The following TIAM1 variants were observed in gnomAD, a reference collection of about 807,000 sequenced individuals.
TIAM1 encodes rho guanine nucleotide exchange factor TIAM1.
In TIAM1, 65 loss-of-function variants were observed where a neutral mutation model predicts 163.5. The observed-to-expected ratio is 0.40, with a 90% CI of 0.33 to 0.49. The LOEUF is 0.49. Among genes scored for constraint, TIAM1 ranks in the 20% least tolerant of loss-of-function variants. TIAM1 has a pLI of 0.77. For synonymous variants in TIAM1, 833 were observed against 810.1 expected, an observed-to-expected ratio of 1.03 and a Z score of -0.48; for missense variants, 1,789 against 2,044.7, an observed-to-expected ratio of 0.87 and a Z score of 2.41.
At chr21:31,489,571 ACCC>A (rs111846555) in intron 1 of TIAM1, among the ~76,000 whole-genome samples, 48 of 142,052 alleles carry the variant, frequency 3.4e-4, no homozygotes, top group African/African-American at 7.9e-4. Flanking sequence ...AAAAGTGCAG[ACCC>A]CCCCCCCCTT....
chr21:31,361,576 T>C (rs924332160), intron 2 of TIAM1, among the ~76,000 whole-genome samples: 15 of 152,280 alleles, frequency 9.9e-5, no homozygotes, highest in African/African-American at 3.6e-4. Context: ...AAAATCCACA[T>C]AAACTATCCT....
At chr21:31,198,566 T>C (rs1478851152) in intron 12 of TIAM1, among the ~76,000 whole-genome samples, 1 of 152,240 alleles carries the variant, frequency 6.6e-6, no homozygotes, top group Non-Finnish European at 1.5e-5. Context: ...GTTTACAATG[T>C]ATAACCTAAC....
chr21:31,147,052 G>C (rs767000565), intron 19 of TIAM1, 49 bp from the exon 20 acceptor site: 1 of 1,518,666 alleles, frequency 6.6e-7, no homozygotes. Context: ...TCCTCCACTG[G>C]AAATATCAGC....
chr21:31,502,312 C>T (rs1332257139), intron 1 of TIAM1, among the ~76,000 whole-genome samples: 2 of 152,168 alleles, frequency 1.3e-5, no homozygotes, highest in East Asian at 3.9e-4. Flanking sequence ...CGCTCTGTCG[C>T]CCAGGCAGGA....
chr21:31,453,698 A>G (rs200956381), intron 2 of TIAM1, among the ~76,000 whole-genome samples: 10,109 of 42,560 alleles, frequency 0.24, 476 homozygotes, highest in South Asian at 0.35. Context: ...CAGTAAATAA[A>G]TAAATAAATA....
At chr21:31,495,553 C>A (rs192394958) in intron 1 of TIAM1, among the ~76,000 whole-genome samples, 51 of 152,356 alleles carry the variant, frequency 3.3e-4, no homozygotes, top group African/African-American at 1.1e-3. Context: ...CCTCCCAACA[C>A]CATCATACTA....
chr21:31,384,446 G>A (rs1055181611), intron 2 of TIAM1, among the ~76,000 whole-genome samples: 7 of 150,852 alleles, frequency 4.6e-5, no homozygotes, highest in African/African-American at 1.2e-4. Flanking sequence ...ATGGTGGCAC[G>A]CATTAGTAGT....
chr21:31,224,540 T>C (rs915184735), intron 7 of TIAM1, among the ~76,000 whole-genome samples: 3 of 152,178 alleles, frequency 2.0e-5, no homozygotes, highest in African/African-American at 4.8e-5. Context: ...GGCAAATCCA[T>C]GAAGACAGAG....
At chr21:31,188,464 G>A (rs1208094355) in intron 13 of TIAM1, among the ~76,000 whole-genome samples, 3 of 152,108 alleles carry the variant, frequency 2.0e-5, no homozygotes, top group Non-Finnish European at 2.9e-5. Flanking sequence ...TCTATTAGGC[G>A]AGATAGAATC....
At chr21:31,428,827 G>T (rs1376718074) in intron 2 of TIAM1, among the ~76,000 whole-genome samples, 1 of 151,146 alleles carries the variant, frequency 6.6e-6, no homozygotes, top group East Asian at 2.0e-4. Context: ...AGGCTGCAGT[G>T]AGCTGAGATC....
At chr21:31,124,727 T>G (rs2082128114) in intron 26 of TIAM1, 33 bp from the exon 27 acceptor site, 1 of 1,524,884 alleles carries the variant, frequency 6.6e-7, no homozygotes, top group Non-Finnish European at 8.8e-7. Context: ...TGTTAGAGAA[T>G]CAGGGCTTAA....
intron 2 of TIAM1, among the ~76,000 whole-genome samples, chr21:31,427,291 C>G (rs771837511): frequency 6.6e-6 from 1 of 152,054 alleles, no homozygotes; most frequent in South Asian, 2.1e-4. Context: ...TCGAGACCAT[C>G]CTGGCTAATA....
chr21:31,418,416 G>C (rs1602231185), intron 2 of TIAM1, among the ~76,000 whole-genome samples: 1 of 148,530 alleles, frequency 6.7e-6, no homozygotes, highest in Middle Eastern at 3.6e-3. Flanking sequence ...GAAGGCAAGA[G>C]AAAAAGCAGC....
intron 12 of TIAM1, among the ~76,000 whole-genome samples, chr21:31,197,054 A>C (rs1466786956): frequency 6.6e-6 from 1 of 152,190 alleles, no homozygotes; most frequent in African/African-American, 2.4e-5. Context: ...CATGGACATA[A>C]AAATGGCAAC....
At chr21:31,187,135 GT>G (rs1162433263) in intron 13 of TIAM1, 48 bp from the exon 14 acceptor site, 1 of 1,569,826 alleles carries the variant, frequency 6.4e-7, no homozygotes, top group Non-Finnish European at 8.8e-7. Flanking sequence ...CCTTCTGAAT[GT>G]TTAGCAAACA....
chr21:31,213,866 CAAA>C (rs35524539), intron 9 of TIAM1, among the ~76,000 whole-genome samples: 9 of 54,874 alleles, frequency 1.6e-4, no homozygotes, highest in African/African-American at 5.6e-4. Context: ...CTCATCTCTA[CAAA>C]AAAAAAAAAA....
chr21:31,308,467 TA>T (rs1479788521), intron 2 of TIAM1, among the ~76,000 whole-genome samples: 1 of 150,726 alleles, frequency 6.6e-6, no homozygotes, highest in Non-Finnish European at 1.5e-5. Flanking sequence ...ATATATGGTT[TA>T]TATTATATAT....
At chr21:31,131,678 T>C (rs74789414) in intron 23 of TIAM1, among the ~76,000 whole-genome samples, 1,783 of 152,326 alleles carry the variant, frequency 0.012, 40 homozygotes, top group African/African-American at 0.04. Flanking sequence ...GGTGACTGAC[T>C]CCTGCCTGTC....
chr21:31,380,431 T>G (rs1244757397), intron 2 of TIAM1, among the ~76,000 whole-genome samples: 1 of 152,092 alleles, frequency 6.6e-6, no homozygotes, highest in African/African-American at 2.4e-5. Flanking sequence ...TAATCTCAGT[T>G]ACTTGGGAGG....
Sources: allele counts gnomAD v4.1 joint callset (sites outside exome capture counted in the v4.1 genomes callset), GRCh38; gene constraint gnomAD v4.1.1; transcripts MANE v1.5; gene names NCBI Gene and HGNC (gene_info 2026-07-23, HGNC 2026-07-21).